MTRF1L: variants seen among roughly 807,000 people sequenced by gnomAD.
MTRF1L encodes the protein peptide chain release factor 1-like, mitochondrial.
In MTRF1L, 29 loss-of-function variants were observed where a neutral mutation model predicts 40.0. The ratio of observed to expected loss-of-function variants is 0.73; its 90% CI spans 0.54 to 0.99. MTRF1L has a LOEUF of 0.99. MTRF1L is among the 50% of genes least tolerant of loss of function. The pLI is 0.00. For missense variants in MTRF1L, 412 were observed against 464.5 expected, an observed-to-expected ratio of 0.89 and a Z score of 1.04; for synonymous variants, 150 against 175.8, an observed-to-expected ratio of 0.85 and a Z score of 1.16.
At position 153,002,635 on chromosome 6, in the gene MTRF1L, C is replaced by A; in HGVS notation, c.51G>T (p.Arg17=). 2.0e-6 allele frequency: 3 copies of A among 1,527,008 alleles called. No homozygotes were observed. The highest frequency in any genetic ancestry group is 8.8e-7 in the Non-Finnish European group (1 of 1,138,792). 94.6% of individuals were successfully genotyped at this position (1,527,008 alleles called of 1,614,324 possible). Residue 17 remains arginine, a synonymous_variant, in exon 1 of 7, where the codon CGG becomes CGT. Coordinates refer to ENST00000367233, the MANE Select transcript of MTRF1L (RefSeq NM_019041.7). ...WGAARWLWPR[R]AVGPARRPLS... is the part of the protein sequence containing the mutation. ...GGGGCCGGCGGGCTGGGCCAACGGC[C>A]CGGCGGGGCCAGAGCCACCGGGCAG...
At chr6:152,996,806 C>T (rs1178435495) in intron 2 of MTRF1L, among the ~76,000 whole-genome samples, 4 of 152,106 alleles carry the variant, frequency 2.6e-5, no homozygotes, top group African/African-American at 7.2e-5. Context: ...TCTGGTATTC[C>T]AAATAGTGTC....
At chr6:152,994,453 C>A in intron 4 of MTRF1L, 60 bp downstream of exon 4, 1 of 1,475,036 alleles carries the variant, frequency 6.8e-7, no homozygotes, top group East Asian at 2.3e-5. Context: ...TGAATGTTAA[C>A]TCTGGGGACA....
At chr6:152,994,802 A>T (rs1778658213) in intron 3 of MTRF1L, 126 bp from the exon 4 acceptor site, 4 of 1,125,912 alleles carry the variant, frequency 3.6e-6, no homozygotes, top group Non-Finnish European at 5.2e-6. Flanking sequence ...GGAGACTGTA[A>T]AACATATTAA....
intron 1 of MTRF1L, 143 bp downstream of exon 1, chr6:153,002,284 A>G: frequency 8.0e-7 from 1 of 1,244,826 alleles, no homozygotes; most frequent in Non-Finnish European, 1.1e-6. Context: ...CACAGCACGT[A>G]ATGATGTCCT....
At chr6:152,990,842 A>T (rs35267108) in intron 6 of MTRF1L, among the ~76,000 whole-genome samples, 32,293 of 152,080 alleles carry the variant, frequency 0.21, 3,541 homozygotes, top group South Asian at 0.32. Flanking sequence ...AACAACAACA[A>T]CAAAAATTAA....
chr6:152,992,793 AATTAGTCAT>A lies in MTRF1L; in HGVS notation c.805+55_805+63del, dbSNP rs372241275. The A allele has an allele frequency of 8.1e-4, 984 of 1,213,148 alleles. No homozygotes were observed. The African/African-American group carries it at 0.011, about 14-fold the overall frequency. The allele number at this position is 1,213,148 out of a possible 1,614,324, so 75.1% of individuals were successfully genotyped here. A position where few individuals can be genotyped will look rare whatever the true frequency, so the allele number is the denominator to read the frequency against. On this transcript the variant is annotated intron_variant, in intron 5 of 6. Transcript: ENST00000367233. ...TAACCGAGGATCTATTTCAGTGGAAAATTAGTCATATTATTCCAAAATTGATTTCTTTGG... is the reference window on the plus strand; with the variant it reads ...TAACCGAGGATCTATTTCAGTGGAAAATTATTCCAAAATTGATTTCTTTGG...
rs1778642383 is a variant in MTRF1L at position 152,994,549 on chromosome 6, G to A, written c.651C>T (p.Ser217=). ...KTEKQGRVHT[S]TMTVAILPQP... ...GGGGTAATATTGCTACAGTCATGGT[G>A]CTAGTATGGACGCGGCCTTGCTTTT... Residue 217 remains serine (S), a synonymous_variant, in exon 4 of 7, where the codon AGC becomes AGT. Transcript: ENST00000367233. 2 of 1,612,144 alleles carry A rather than the reference G, an allele frequency of 1.2e-6. No individual in the cohort carries two copies. Among genetic ancestry groups the A allele is most frequent in the Non-Finnish European group, 1.7e-6 (2 of 1,179,902 alleles).
At position 152,994,244 on chromosome 6, in the gene MTRF1L, A is replaced by C. The variant is rs79968572; in HGVS notation, c.687+269T>G. On this transcript the variant is annotated intron_variant, in intron 4 of 6. Coordinates refer to ENST00000367233, the MANE Select transcript of MTRF1L (RefSeq NM_019041.7). ...ATAAAGGCAACCAGTCCATATTTAA[A>C]TAGGTTATTATTTCACCCACAGAGA... 6.1e-3 allele frequency among the ~76,000 whole-genome samples: 930 copies of C among 152,352 alleles called. 15 individuals are homozygous for C. The South Asian group carries it at 0.075, about 12-fold the overall frequency.
rs561682892 is a variant in MTRF1L at position 152,992,826 on chromosome 6, G to A, written c.805+31C>T. ...ATATTATTCCAAAATTGATTTCTTT[G>A]GTGTCATATATTGAAGGAATAAGTA... is the stretch of plus-strand genomic sequence containing the variant. On this transcript the variant is annotated intron_variant, in intron 5 of 6. Transcript: ENST00000367233. 4 of 1,497,546 alleles carry A rather than the reference G, an allele frequency of 2.7e-6. No individual in the cohort carries two copies. The South Asian group carries it at 3.5e-5, about 13-fold the overall frequency. 92.8% of individuals were successfully genotyped at this position (1,497,546 alleles called of 1,614,324 possible). A position where few individuals can be genotyped will look rare whatever the true frequency, so the allele number is the denominator to read the frequency against.
At chr6:153,000,241 G>C (rs1778863973) in intron 1 of MTRF1L, among the ~76,000 whole-genome samples, 1 of 152,086 alleles carries the variant, frequency 6.6e-6, no homozygotes, top group Non-Finnish European at 1.5e-5. Flanking sequence ...CTAGAGTCTA[G>C]AAGTAATTTA....
At chr6:153,000,867 ATTTTTTT>A (rs10536494) in intron 1 of MTRF1L, among the ~76,000 whole-genome samples, 3 of 100,482 alleles carry the variant, frequency 3.0e-5, no homozygotes, top group African/African-American at 4.2e-5. Context: ...GGTACTACGG[ATTTTTTT>A]TTTTTTTTTT....
At chr6:152,998,681 C>G (rs1443116774) in intron 1 of MTRF1L, 52 bp from the exon 2 acceptor site, 5 of 1,243,948 alleles carry the variant, frequency 4.0e-6, no homozygotes, top group Middle Eastern at 1.9e-4. Context: ...TGTTAAATTG[C>G]TAGCAGACTT....
At chr6:153,002,209 C>G (rs978904311) in intron 1 of MTRF1L, among the ~76,000 whole-genome samples, 5 of 152,170 alleles carry the variant, frequency 3.3e-5, no homozygotes, top group African/African-American at 1.2e-4. Flanking sequence ...AACTAATAAG[C>G]ATGTAAAAGG....
intron 1 of MTRF1L, among the ~76,000 whole-genome samples, chr6:153,000,158 G>T (rs1778860692): frequency 6.6e-6 from 1 of 152,278 alleles, no homozygotes; most frequent in African/African-American, 2.4e-5. Flanking sequence ...GTTATGACAA[G>T]AATGAAATGA....
rs774770409 is a variant in MTRF1L, at chr6:153,002,506, C to A, written c.180G>T (p.Arg60Ser). ...QAGSEAHLKV[R>S]RPELLAVIKL... is the part of the protein sequence containing the mutation. Reference sequence around the variant, plus strand: ...TGATCACCGCCAGCAACTCGGGCCTCCTGACCTTCAAATGGGCTTCAGACC... The same window carrying A: ...TGATCACCGCCAGCAACTCGGGCCTACTGACCTTCAAATGGGCTTCAGACC... The change falls in exon 1 of 7, where the codon AGG becomes AGT. Residue 60 changes from arginine to serine, a missense_variant. Transcript: ENST00000367233. 1.3e-5 allele frequency: 21 copies of A among 1,613,000 alleles called. No individual in the cohort carries two copies.
chr6:153,001,749 T>G lies in MTRF1L; in HGVS notation c.259+678A>C, dbSNP rs539087008. Among the ~76,000 whole-genome samples, 5 of 152,332 alleles carry G rather than the reference T, an allele frequency of 3.3e-5. No homozygotes were observed. The South Asian group carries it at 1.0e-3, about 32-fold the overall frequency. ...GCCTATCACCATTTCTTCTTTGGATTGTTTCAACTGCCTCCTCCCTGGCCT... is the reference window on the plus strand; with the variant it reads ...GCCTATCACCATTTCTTCTTTGGATGGTTTCAACTGCCTCCTCCCTGGCCT... On this transcript the variant is annotated intron_variant, in intron 1 of 6. Coordinates refer to ENST00000367233, the MANE Select transcript of MTRF1L (RefSeq NM_019041.7).
intron 1 of MTRF1L, among the ~76,000 whole-genome samples, chr6:152,999,927 T>C (rs1372040975): frequency 1.3e-5 from 2 of 152,116 alleles, no homozygotes; most frequent in African/African-American, 2.4e-5. Context: ...GGTTTTGGAA[T>C]GGGCAGAAAA....
intron 6 of MTRF1L, chr6:152,990,650 C>G (rs1778475317): frequency 6.5e-6 from 1 of 152,882 alleles, no homozygotes; most frequent in African/African-American, 2.4e-5. Flanking sequence ...TGGCAAAACC[C>G]CGTCTCTACT....
rs1017716823 is a variant in MTRF1L at position 152,988,152 on chromosome 6, C to T, written c.*1743G>A. ...AGATCAAGGAGCTGGCACTTGTTGA[C>T]TAGGGCTTTCTTGCTGTGTTCTCAC... On this transcript the variant is annotated 3_prime_UTR_variant, in exon 7 of 7. Coordinates refer to ENST00000367233, the MANE Select transcript of MTRF1L (RefSeq NM_019041.7). 2.1e-4 allele frequency: 11 copies of T among 53,110 alleles called. 4 individuals carry two copies. Among genetic ancestry groups the T allele is most frequent in the Admixed American group, 1.6e-3 (8 of 5,116 alleles). 3.3% of individuals were successfully genotyped at this position (53,110 alleles called of 1,614,324 possible).
Sources: allele counts gnomAD v4.1 joint callset (sites outside exome capture counted in the v4.1 genomes callset), GRCh38; gene constraint gnomAD v4.1.1; transcripts MANE v1.5; gene names NCBI Gene and HGNC (gene_info 2026-07-23, HGNC 2026-07-21).